Variants in JCAD observed in about 807,000 individuals in gnomAD.
JCAD encodes the protein junctional cadherin 5-associated protein.
Under a neutral mutation model 98.0 loss-of-function variants are expected in JCAD, and 40 were observed. The ratio of observed to expected loss-of-function variants is 0.41; its 90% CI spans 0.32 to 0.53. The LOEUF is 0.53. JCAD is among the 20% of genes least tolerant of loss of function. The pLI is 0.31. For synonymous variants in JCAD, 691 were observed against 682.3 expected, an observed-to-expected ratio of 1.01 and a Z score of -0.20; for missense variants, 1,705 against 1,738.1, an observed-to-expected ratio of 0.98 and a Z score of 0.34.
chr10:30,021,742 G>A (rs984637383), intron 3 of JCAD, among the ~76,000 whole-genome samples: 5 of 152,152 alleles, frequency 3.3e-5, no homozygotes, highest in African/African-American at 1.2e-4. Context: ...TGTATGTGAT[G>A]AGCGGCTACA....
chr10:30,110,725 T>C (rs1464515015), intron 1 of JCAD, among the ~76,000 whole-genome samples: 5 of 151,406 alleles, frequency 3.3e-5, no homozygotes, highest in Admixed American at 3.3e-4. Flanking sequence ...CCCTGGTATA[T>C]AGACCACTGA....
At chr10:30,050,566 G>T (rs1158098894) in intron 1 of JCAD, among the ~76,000 whole-genome samples, 3 of 152,196 alleles carry the variant, frequency 2.0e-5, no homozygotes, top group African/African-American at 7.2e-5. Flanking sequence ...TAAGGAACAG[G>T]CATGTGCAGC....
chr10:30,112,433 T>C (rs1174877870), intron 1 of JCAD, among the ~76,000 whole-genome samples: 1 of 152,168 alleles, frequency 6.6e-6, no homozygotes, highest in Admixed American at 6.5e-5. Flanking sequence ...CAGGGAGCTA[T>C]GATTGTGCCA....
At position 30,018,285 on chromosome 10, in the gene JCAD, TTCTTCTTCTTC is replaced by T. The variant is rs1379799166; in HGVS notation, c.4046-379_4046-369del. Among the ~76,000 whole-genome samples, 280 of 126,438 alleles carry T rather than the reference TTCTTCTTCTTC, an allele frequency of 2.2e-3. 2 individuals carry two copies. Among genetic ancestry groups the T allele is most frequent in the African/African-American group, 9.4e-3 (271 of 28,962 alleles). 82.9% of individuals were successfully genotyped at this position (126,438 alleles called of 152,430 possible). ...GTCTTATCTTTCTTTCTTCTTCTTC[TTCTTCTTCTTC>T]TTTTTTTTTTTTTGGTAAATTACAG... On this transcript the variant is annotated intron_variant, in intron 3 of 3. Transcript: ENST00000375377.
At chr10:30,102,259 C>A (rs1489113908) in intron 1 of JCAD, among the ~76,000 whole-genome samples, 1 of 152,154 alleles carries the variant, frequency 6.6e-6, no homozygotes, top group East Asian at 1.9e-4. Context: ...ACCTCCACCT[C>A]CTGGGTTCAA....
At chr10:30,096,119 G>A (rs1838363880) in intron 1 of JCAD, among the ~76,000 whole-genome samples, 1 of 152,214 alleles carries the variant, frequency 6.6e-6, no homozygotes, top group Non-Finnish European at 1.5e-5. Context: ...TGGAGAAGCT[G>A]CCAGGAAAGA....
chr10:30,080,695 G>A (rs1838066040), intron 1 of JCAD, among the ~76,000 whole-genome samples: 1 of 151,674 alleles, frequency 6.6e-6, no homozygotes, highest in Non-Finnish European at 1.5e-5. Context: ...CACTCTGCAG[G>A]CCACTGAGTC....
intron 1 of JCAD, among the ~76,000 whole-genome samples, chr10:30,101,083 G>C (rs1838464260): frequency 6.6e-6 from 1 of 152,188 alleles, no homozygotes; most frequent in Non-Finnish European, 1.5e-5. Context: ...GCTTCAGAGA[G>C]AATAGATTAT....
intron 1 of JCAD, among the ~76,000 whole-genome samples, chr10:30,098,013 G>A (rs954018608): frequency 2.6e-5 from 4 of 152,188 alleles, no homozygotes; most frequent in Non-Finnish European, 5.9e-5. Context: ...GCCATCAAAG[G>A]TGGTAAAATA....
intron 1 of JCAD, among the ~76,000 whole-genome samples, chr10:30,114,241 TAA>T (rs1298826192): frequency 2.0e-5 from 3 of 152,240 alleles, no homozygotes; most frequent in African/African-American, 4.8e-5. Flanking sequence ...TAATGTTTTG[TAA>T]TTATTTGATA....
chr10:30,064,274 A>G (rs977340436), upstream of JCAD, among the ~76,000 whole-genome samples: 1 of 152,136 alleles, frequency 6.6e-6, no homozygotes, highest in African/African-American at 2.4e-5. Context: ...GCATGTGAGC[A>G]TGCTCAGCCC....
chr10:30,062,890 C>G (rs1837722765), upstream of JCAD, among the ~76,000 whole-genome samples: 1 of 152,138 alleles, frequency 6.6e-6, no homozygotes. Context: ...CAAACCATAT[C>G]AGAGAGTAAG....
intron 1 of JCAD, among the ~76,000 whole-genome samples, chr10:30,057,933 A>AATCTGC (rs1589698646): frequency 6.6e-6 from 1 of 152,220 alleles, no homozygotes; most frequent in East Asian, 1.9e-4. Context: ...AATGAAATAG[A>AATCTGC]ATCTGCATAT....
At chr10:30,096,186 G>A (rs1281197056) in intron 1 of JCAD, among the ~76,000 whole-genome samples, 1 of 152,112 alleles carries the variant, frequency 6.6e-6, no homozygotes, top group Non-Finnish European at 1.5e-5. Context: ...CTGTCTTCCT[G>A]ACTCACCTGC....
At position 30,057,151 on chromosome 10, in the gene JCAD, C is replaced by G. The variant is rs993643917; in HGVS notation, c.-60+2331G>C. ...AGAACAATTGTTTCACTCCAACGCT[C>G]TGTGTTCTAAACGCTCTCCAGATTA... On this transcript the variant is annotated intron_variant, in intron 1 of 3. Coordinates refer to ENST00000375377, the MANE Select transcript of JCAD (RefSeq NM_020848.4). Among the ~76,000 whole-genome samples, 10 of 150,148 alleles carry G rather than the reference C, an allele frequency of 6.7e-5. No homozygotes were observed. The East Asian group carries it at 1.9e-3, about 29-fold the overall frequency.
At chr10:30,060,268 T>G (rs1837675527), upstream of JCAD, among the ~76,000 whole-genome samples, 1 of 152,150 alleles carries the variant, frequency 6.6e-6, no homozygotes, top group Non-Finnish European at 1.5e-5. Context: ...GCCCATACTC[T>G]CCTGTGGCAG....
At chr10:30,019,196 A>C (rs927276897) in intron 3 of JCAD, among the ~76,000 whole-genome samples, 1 of 151,952 alleles carries the variant, frequency 6.6e-6, no homozygotes, top group African/African-American at 2.4e-5. Flanking sequence ...TCTATACTAA[A>C]AACACAAAAA....
chr10:30,074,881 C>A (rs1459220499), intron 1 of JCAD, among the ~76,000 whole-genome samples: 1 of 152,184 alleles, frequency 6.6e-6, no homozygotes, highest in Non-Finnish European at 1.5e-5. Context: ...CAGCCTCAAC[C>A]TCCTGGGCTC....
chr10:30,032,031 G>GCCACC (rs1837013398), intron 2 of JCAD, among the ~76,000 whole-genome samples: 1 of 152,186 alleles, frequency 6.6e-6, no homozygotes, highest in Admixed American at 6.5e-5. Flanking sequence ...TGGGATTACA[G>GCCACC]GCGTGAGCCA....
Sources: gnomAD v4.1 joint callset for allele counts (sites outside exome capture counted in the v4.1 genomes callset) on GRCh38, gnomAD v4.1.1 for gene constraint, MANE v1.5 for transcripts, NCBI Gene and HGNC (gene_info 2026-07-23, HGNC 2026-07-21) for gene names.